The following PARD3B variants were observed in gnomAD, a reference collection of about 807,000 sequenced individuals.
The protein encoded by PARD3B is par-3 family cell polarity regulator beta, also known as partitioning defective 3 homolog B.
PARD3B carries 103 observed loss-of-function variants against 130.2 expected under a neutral mutation model. The observed-to-expected ratio is 0.79, with a 90% confidence interval of 0.67 to 0.93. The LOEUF (loss-of-function observed/expected upper bound fraction) is 0.93. PARD3B is among the 40% of genes least tolerant of loss of function. The pLI, the probability that PARD3B is intolerant of heterozygous loss-of-function variation, is 0.00. For synonymous variants in PARD3B, 583 were observed against 553.2 expected, an observed-to-expected ratio of 1.05 and a Z score of -0.76; for missense variants, 1,609 against 1,499.2, an observed-to-expected ratio of 1.07 and a Z score of -1.21.
In PARD3B at chr2:204,799,865, G is replaced by A. The variant is rs1292549443; in HGVS notation, c.222+113583G>A. On this transcript the variant is annotated intron_variant, in intron 2 of 22. Coordinates refer to ENST00000406610, the MANE Select transcript of PARD3B (RefSeq NM_001302769.2). This position sits in a 1 kb window ranked among gnomAD's most constrained non-coding sequence, Gnocchi z 4.1. ...GCAGTGACTAAAGATTTATATCACA[G>A]CATCAGTTCCCTTGGAATACTTGGT... Among the ~76,000 whole-genome samples the A allele has an allele frequency of 5.3e-5, 8 of 152,170 alleles. No individual in the cohort carries two copies. Among genetic ancestry groups the A allele is most frequent in the African/African-American group, 1.7e-4 (7 of 41,444 alleles).
intron 1 of PARD3B, among the ~76,000 whole-genome samples, chr2:204,550,782 G>A (rs1015959180): frequency 1.3e-5 from 2 of 152,194 alleles, no homozygotes; most frequent in Non-Finnish European, 2.9e-5. Flanking sequence ...ATTAACTGTG[G>A]GATCGGAATC....
At chr2:205,331,085 C>T (rs145401238) in intron 18 of PARD3B, among the ~76,000 whole-genome samples, 211 of 152,258 alleles carry the variant, frequency 1.4e-3, no homozygotes, top group African/African-American at 4.6e-3. Flanking sequence ...CCTCCCTCCA[C>T]GCCCACCACA....
chr2:204,581,116 T>C (rs1237109002), intron 1 of PARD3B, among the ~76,000 whole-genome samples: 1 of 152,190 alleles, frequency 6.6e-6, no homozygotes, highest in African/African-American at 2.4e-5. Flanking sequence ...ATTACAGGCA[T>C]GAAGCACAAG....
At chr2:204,995,973 T>C (rs1264801254) in intron 3 of PARD3B, among the ~76,000 whole-genome samples, 2 of 5,168 alleles carry the variant, frequency 3.9e-4, no homozygotes, top group African/African-American at 9.2e-4. Context: ...ATTCTAGTTA[T>C]ACATTCTTCT....
chr2:205,466,903 G>C (rs1019063533), intron 20 of PARD3B, among the ~76,000 whole-genome samples: 11 of 152,188 alleles, frequency 7.2e-5, no homozygotes, highest in Admixed American at 4.6e-4. Flanking sequence ...AGTAGAGACA[G>C]GGTTTCACCA....
At chr2:204,941,360 C>T (rs964406427) in intron 2 of PARD3B, among the ~76,000 whole-genome samples, 11 of 151,982 alleles carry the variant, frequency 7.2e-5, no homozygotes, top group African/African-American at 2.4e-4. Flanking sequence ...GGCGACAGAG[C>T]GAGACTCTGT....
intron 20 of PARD3B, among the ~76,000 whole-genome samples, chr2:205,444,878 A>T (rs1180161999): frequency 6.6e-6 from 1 of 152,208 alleles, no homozygotes; most frequent in African/African-American, 2.4e-5. Flanking sequence ...GACTAAAAAG[A>T]GGGCTTTAGA....
intron 2 of PARD3B, among the ~76,000 whole-genome samples, chr2:204,804,653 A>G (rs2042699096): frequency 6.6e-6 from 1 of 152,366 alleles, no homozygotes; most frequent in Middle Eastern, 3.4e-3. Flanking sequence ...AGATATTTAC[A>G]GAACATTTCA....
intron 2 of PARD3B, among the ~76,000 whole-genome samples, chr2:204,905,143 A>C (rs1321149212): frequency 6.6e-6 from 1 of 152,226 alleles, no homozygotes; most frequent in Non-Finnish European, 1.5e-5. Context: ...TAACATGGAG[A>C]GATCCCTAAT....
rs547691196 is a variant in PARD3B, at chr2:205,520,874, T to TAATC, written c.3180+20845_3180+20848dup. Among the ~76,000 whole-genome samples the TAATC allele has an allele frequency of 8.5e-5, 13 of 152,180 alleles. No individual in the cohort carries two copies. In the East Asian group the frequency reaches 2.5e-3, roughly 29 times the overall value. ...CTAGAAAGGATATTAAGTAATTGGT[T>TAATC]AATCACTTTACCATTATTGGACGTT... On this transcript the variant is annotated intron_variant, in intron 21 of 22. Transcript: ENST00000406610.
At chr2:204,917,995 T>C (rs1438076888) in intron 2 of PARD3B, among the ~76,000 whole-genome samples, 3 of 152,216 alleles carry the variant, frequency 2.0e-5, no homozygotes, top group Non-Finnish European at 4.4e-5. Context: ...CATTATTGGT[T>C]ATAGTAATTA....
intron 2 of PARD3B, among the ~76,000 whole-genome samples, chr2:204,800,886 G>A (rs1396206682): frequency 1.3e-5 from 2 of 152,102 alleles, no homozygotes; most frequent in African/African-American, 2.4e-5. Flanking sequence ...GTTAATTTTT[G>A]TATAAGGTAT....
At chr2:205,385,704 C>G (rs1289423269) in intron 18 of PARD3B, among the ~76,000 whole-genome samples, 2 of 152,030 alleles carry the variant, frequency 1.3e-5, no homozygotes, top group South Asian at 2.1e-4. Context: ...TTCTGACCCC[C>G]CTGACTCAAC....
At chr2:204,585,183 C>T in intron 1 of PARD3B, among the ~76,000 whole-genome samples, 1 of 152,170 alleles carries the variant, frequency 6.6e-6, no homozygotes, top group East Asian at 1.9e-4. Flanking sequence ...TTCCTATTGG[C>T]CCAGACCAGT....
At chr2:204,651,297 G>C (rs2035467912) in intron 1 of PARD3B, among the ~76,000 whole-genome samples, 1 of 152,152 alleles carries the variant, frequency 6.6e-6, no homozygotes, top group Non-Finnish European at 1.5e-5. Flanking sequence ...CAATACAATG[G>C]GGGTACAGGC....
At chr2:205,570,269 T>G (rs1014186081) in intron 22 of PARD3B, among the ~76,000 whole-genome samples, 2 of 152,160 alleles carry the variant, frequency 1.3e-5, no homozygotes, top group African/African-American at 4.8e-5. Context: ...AGTGAGAATT[T>G]TGTAACCCAA....
chr2:205,528,307 C>T (rs181408279), intron 21 of PARD3B, among the ~76,000 whole-genome samples: 19 of 152,254 alleles, frequency 1.2e-4, no homozygotes, highest in African/African-American at 4.6e-4. Context: ...ACATTTGAGC[C>T]CTACGTTGTG....
intron 18 of PARD3B, among the ~76,000 whole-genome samples, chr2:205,355,445 A>G (rs999449348): frequency 6.6e-6 from 1 of 152,232 alleles, no homozygotes. Context: ...ATTATTTTTC[A>G]TATCTTTATG....
chr2:204,580,716 C>T (rs932341609), intron 1 of PARD3B, among the ~76,000 whole-genome samples: 7 of 152,118 alleles, frequency 4.6e-5, no homozygotes, highest in African/African-American at 1.4e-4. Flanking sequence ...CGTATGACCT[C>T]ATTAATTCAT....
Sources: allele counts gnomAD v4.1 joint callset (sites outside exome capture counted in the v4.1 genomes callset), GRCh38; gene constraint gnomAD v4.1.1; non-coding constraint Gnocchi (gnomAD v3.1); transcripts MANE v1.5; gene names NCBI Gene and HGNC (gene_info 2026-07-23, HGNC 2026-07-21).